USPL1: variants seen among roughly 807,000 people sequenced by gnomAD.
USPL1 encodes the protein ubiquitin specific peptidase like 1, also known as SUMO-specific isopeptidase USPL1.
Under a neutral mutation model 51.5 loss-of-function variants are expected in USPL1, and 27 were observed. That is an observed-to-expected ratio of 0.52 (90% CI 0.39 to 0.72). The LOEUF is 0.72. USPL1 is among the 30% of genes least tolerant of loss of function. USPL1 has a pLI of 0.00. For missense variants in USPL1, 1,226 were observed against 1,268.0 expected (o/e 0.97, Z 0.50); for synonymous variants, 451 against 459.6 (o/e 0.98, Z 0.24).
At chr13:30,619,911 T>C (rs1004043645) in intron 1 of USPL1, among the ~76,000 whole-genome samples, 1 of 152,218 alleles carries the variant, frequency 6.6e-6, no homozygotes, top group South Asian at 2.1e-4. Context: ...AGGAAACTTT[T>C]GGCTGTTGGA....
intron 3 of USPL1, among the ~76,000 whole-genome samples, chr13:30,626,075 GA>G (rs1464016410): frequency 1.3e-5 from 2 of 152,186 alleles, no homozygotes; most frequent in African/African-American, 4.8e-5. Flanking sequence ...AGCACTTTGG[GA>G]GGCCAAGGTG....
At chr13:30,644,752 G>A (rs1950995635) in intron 6 of USPL1, among the ~76,000 whole-genome samples, 1 of 152,050 alleles carries the variant, frequency 6.6e-6, no homozygotes, top group East Asian at 1.9e-4. Flanking sequence ...CCTCTCCAAA[G>A]GGCCTGTTTT....
chr13:30,645,086 C>A (rs1302071846), intron 6 of USPL1, among the ~76,000 whole-genome samples: 14 of 152,188 alleles, frequency 9.2e-5, no homozygotes, highest in African/African-American at 3.1e-4. Context: ...CTGTAAGTGG[C>A]AGAGTCAGGA....
intron 1 of USPL1, among the ~76,000 whole-genome samples, chr13:30,618,818 TAGGTC>T (rs1950607310): frequency 6.6e-6 from 1 of 152,296 alleles, no homozygotes; most frequent in South Asian, 2.1e-4. Context: ...CAATGAGCTT[TAGGTC>T]ATAATACTAC....
In USPL1 at chr13:30,658,644, G is replaced by C. The variant is rs372849370; in HGVS notation, c.2567G>C (p.Ser856Thr). The change falls in exon 9 of 9, where the codon AGC (serine) becomes ACC (threonine). Residue 856 changes from serine (S) to threonine (T), a missense_variant. Transcript: ENST00000255304. ...TCAGAAGTTTTGGAAAAGTCTGGAA[G>C]CACCTCATGTGGAGCTCAACTCAAC... The part of the protein sequence containing the change: ...AASEVLEKSG[S>T]TSCGAQLNHS... 7.6e-5 allele frequency: 122 copies of C among 1,614,086 alleles called. No homozygotes were observed. The Middle Eastern group carries it at 8.2e-4, about 11-fold the overall frequency.
At chr13:30,649,807 G>A (rs1200853640) in intron 7 of USPL1, among the ~76,000 whole-genome samples, 1 of 152,128 alleles carries the variant, frequency 6.6e-6, no homozygotes, top group Admixed American at 6.5e-5. Context: ...CCTAAGGATA[G>A]ATCTTTAAAT....
intron 6 of USPL1, among the ~76,000 whole-genome samples, chr13:30,643,655 G>A (rs1950979620): frequency 1.5e-5 from 2 of 133,588 alleles, no homozygotes; most frequent in Admixed American, 1.7e-4. Context: ...CGTCACACAG[G>A]CTGGAGTGCA....
chr13:30,627,134 T>C (rs780416871), intron 3 of USPL1, among the ~76,000 whole-genome samples: 9 of 152,024 alleles, frequency 5.9e-5, no homozygotes, highest in Non-Finnish European at 7.4e-5. Context: ...GGATTTTAAA[T>C]GATACTAGAT....
In USPL1 at chr13:30,646,979, A is replaced by T. The variant is rs199798209; in HGVS notation, c.1160A>T (p.His387Leu). 2.5e-6 allele frequency: 4 copies of T among 1,613,962 alleles called. No homozygotes were observed. The highest frequency in any genetic ancestry group is 3.4e-6 in the Non-Finnish European group (4 of 1,179,988). The part of the protein sequence containing the change: ...VTFTNVIPEW[H>L]PLNAAHFGPC... ...TTTACAAATGTCATCCCTGAGTGGC[A>T]CCCACTTAATGCTGCCCATTTTGGT... is the stretch of plus-strand genomic sequence containing the variant. The change falls in exon 7 of 9, where the codon CAC becomes CTC. Residue 387 changes from histidine to leucine, a missense_variant. Coordinates refer to ENST00000255304, the MANE Select transcript of USPL1 (RefSeq NM_005800.5).
At chr13:30,621,970 T>A (rs1950652867) in intron 3 of USPL1, 78 bp downstream of exon 3, 1 of 1,116,280 alleles carries the variant, frequency 9.0e-7, no homozygotes, top group African/African-American at 1.6e-5. Context: ...TTTAAAAGTT[T>A]ACTCATTTTT....
chr13:30,628,051 T>G lies in USPL1; in HGVS notation c.229-2784T>G, dbSNP rs1174410991. On this transcript the variant is annotated intron_variant, in intron 3 of 8. Transcript: ENST00000255304. ...ACCACCATGCCTGGCTAATTTTTTT[T>G]TTTTTTTTTTTTTTTGTATTTTTAG... is the stretch of plus-strand genomic sequence containing the variant. Among the ~76,000 whole-genome samples the G allele has an allele frequency of 5.9e-5, 3 of 51,226 alleles. No individual in the cohort carries two copies. In the East Asian group the frequency reaches 8.5e-4, roughly 14 times the overall value. 33.6% of individuals were successfully genotyped at this position (51,226 alleles called of 152,430 possible).
chr13:30,638,013 A>AGCT (rs1950898453), intron 5 of USPL1, among the ~76,000 whole-genome samples, 156 bp downstream of exon 5: 1 of 152,200 alleles, frequency 6.6e-6, no homozygotes, highest in Admixed American at 6.5e-5. Context: ...CCACTGGGTA[A>AGCT]GTTATTGTAG....
At chr13:30,632,561 C>A (rs1050419105) in intron 4 of USPL1, among the ~76,000 whole-genome samples, 1 of 151,770 alleles carries the variant, frequency 6.6e-6, no homozygotes, top group Admixed American at 6.6e-5. Flanking sequence ...CTACAGGCGC[C>A]CACCACCAGG....
chr13:30,642,335 A>G (rs913107890), intron 5 of USPL1, among the ~76,000 whole-genome samples: 2 of 152,150 alleles, frequency 1.3e-5, no homozygotes, highest in African/African-American at 4.8e-5. Context: ...AAATCTAGAA[A>G]GATGGAAGAC....
chr13:30,642,977 T>C (rs1419950679), intron 6 of USPL1, among the ~76,000 whole-genome samples: 5 of 152,152 alleles, frequency 3.3e-5, no homozygotes, highest in Non-Finnish European at 7.4e-5. Flanking sequence ...TTCTCCAGAG[T>C]CCTTGCTGAG....
chr13:30,632,453 G>T (rs1468205077), intron 4 of USPL1, among the ~76,000 whole-genome samples: 1 of 122,016 alleles, frequency 8.2e-6, no homozygotes, highest in Non-Finnish European at 1.6e-5. Context: ...TCACTCTGTT[G>T]CCCAGGCTGG....
intron 3 of USPL1, among the ~76,000 whole-genome samples, chr13:30,625,537 C>T (rs2137615145): frequency 6.6e-6 from 1 of 150,464 alleles, no homozygotes; most frequent in South Asian, 2.1e-4. Context: ...CCTCCGACTC[C>T]CTGGTTCAAG....
chr13:30,647,471 G>A (rs1275298695), intron 7 of USPL1, among the ~76,000 whole-genome samples: 2 of 152,106 alleles, frequency 1.3e-5, no homozygotes, highest in African/African-American at 4.8e-5. Context: ...CTAGATCTCA[G>A]CATGCTAATT....
In USPL1 at chr13:30,658,575, C is replaced by T. The variant is rs1204376966; in HGVS notation, c.2498C>T (p.Pro833Leu). Reference sequence around the variant, plus strand: ...ATCAGTAAGCCACCAGCAGGCCCTCCATCGTCTAATGGCACAGCTGCCCAC... The same window carrying T: ...ATCAGTAAGCCACCAGCAGGCCCTCTATCGTCTAATGGCACAGCTGCCCAC... Reference protein sequence around the residue: ...PPISKPPAGPPSSNGTAAHPH... With the variant: ...PPISKPPAGPLSSNGTAAHPH... The change falls in exon 9 of 9, where the codon CCA becomes CTA. Residue 833 changes from proline (P) to leucine (L), a missense_variant. Physicochemically the swap from Pro to Leu is moderately conservative, Grantham distance 98 (BLOSUM62 -3). Coordinates refer to ENST00000255304, the MANE Select transcript of USPL1 (RefSeq NM_005800.5). 1.2e-6 allele frequency: 2 copies of T among 1,614,072 alleles called. No homozygotes were observed. The highest frequency in any genetic ancestry group is 1.1e-5 in the South Asian group (1 of 91,090).
Sources: gnomAD v4.1 joint callset for allele counts (sites outside exome capture counted in the v4.1 genomes callset) on GRCh38, gnomAD v4.1.1 for gene constraint, MANE v1.5 for transcripts, NCBI Gene and HGNC (gene_info 2026-07-23, HGNC 2026-07-21) for gene names.